NR5A1: variants seen among roughly 807,000 people sequenced by gnomAD.
NR5A1 encodes steroidogenic factor 1.
A neutral mutation model predicts 42.7 loss-of-function variants in NR5A1; 6 were observed. The ratio of observed to expected loss-of-function variants is 0.14; its 90% CI spans 0.08 to 0.28. NR5A1 has a LOEUF of 0.28. Ranked by LOEUF, NR5A1 falls within the 10% of genes least tolerant of loss-of-function variation. The probability of loss-of-function intolerance (pLI) is 1.00; values close to 1 mark genes in which losing one functional copy is unlikely to be tolerated. For synonymous variants in NR5A1, 274 were observed against 277.5 expected (o/e 0.99, Z 0.12); for missense variants, 442 against 626.4 (o/e 0.71, Z 3.14).
intron 4 of NR5A1, among the ~76,000 whole-genome samples, chr9:124,493,609 T>G (rs1030075707): frequency 1.3e-5 from 2 of 152,222 alleles, no homozygotes; most frequent in African/African-American, 4.8e-5. Context: ...GTCACACCTC[T>G]GGCAGCCCCA....
Position 124,482,480 on chromosome 9 carries a change from G to A in NR5A1, c.*278C>T, listed in dbSNP as rs1033615712. On this transcript the variant is annotated 3_prime_UTR_variant, in exon 7 of 7. Transcript: ENST00000373588. ...CAGGAGAGAGAGCTGGGAGCAGGGA[G>A]GGGGCGGGGCGGGTGGTTAACAGCC... The A allele has an allele frequency of 1.0e-5, 5 of 485,424 alleles. No individual in the cohort carries two copies. Among genetic ancestry groups the A allele is most frequent in the Admixed American group, 3.3e-5 (1 of 29,982 alleles). 30.1% of individuals were successfully genotyped at this position (485,424 alleles called of 1,614,324 possible).
Position 124,482,926 on chromosome 9 carries a change from C to G in NR5A1, c.1218G>C (p.Leu406=), listed in dbSNP as rs568634223. The G allele has an allele frequency of 1.7e-5, 28 of 1,614,180 alleles. No homozygotes were observed. In the South Asian group the frequency reaches 3.0e-4, roughly 17 times the overall value. The stretch of plus-strand genomic sequence containing the variant: ...TGTCCCCGCAGTGCGGGTAGTGGCA[C>G]AGGGTGTAGTCAAGCAGGGCGGCGT... ...KANAALLDYT[L]CHYPHCGDKF... The change falls in exon 7 of 7, where the codon CTG becomes CTC. Residue 406 remains leucine (L), a synonymous_variant. Coordinates refer to ENST00000373588, the MANE Select transcript of NR5A1 (RefSeq NM_004959.5).
Position 124,487,668 on chromosome 9 carries a change from A to C in NR5A1, c.1138+3413T>G, listed in dbSNP as rs564536858. Among the ~76,000 whole-genome samples the C allele has an allele frequency of 7.1e-3, 1,075 of 152,318 alleles. 15 individuals are homozygous for C. Among genetic ancestry groups the C allele is most frequent in the Non-Finnish European group, 8.8e-3 (597 of 68,018 alleles). On this transcript the variant is annotated intron_variant, in intron 6 of 6. Coordinates refer to ENST00000373588, the MANE Select transcript of NR5A1 (RefSeq NM_004959.5). Reference sequence around the variant, plus strand: ...TGGGGGAGCACAAGCACTCGTGGCCAGGCTGTCCGGCCCAGGGCGGAGCCG... The same window carrying C: ...TGGGGGAGCACAAGCACTCGTGGCCCGGCTGTCCGGCCCAGGGCGGAGCCG...
chr9:124,491,600 A>G (rs774458399), intron 5 of NR5A1, among the ~76,000 whole-genome samples: 76 of 152,096 alleles, frequency 5.0e-4, no homozygotes, highest in Middle Eastern at 3.4e-3. Context: ...CTGTGTGGGG[A>G]CACACAGACA....
At chr9:124,492,246 C>A (rs536863874) in intron 5 of NR5A1, among the ~76,000 whole-genome samples, 3 of 150,796 alleles carry the variant, frequency 2.0e-5, no homozygotes, top group Middle Eastern at 3.5e-3. Context: ...TGCCTCCCCC[C>A]CTCCCTCTCT....
intron 6 of NR5A1, among the ~76,000 whole-genome samples, chr9:124,484,320 C>T (rs900755309): frequency 6.6e-5 from 10 of 152,208 alleles, no homozygotes; most frequent in Non-Finnish European, 1.5e-4. Context: ...TGACCGCACC[C>T]CAAGGAGTCG....
At position 124,500,360 on chromosome 9, in the gene NR5A1, A is replaced by C; in HGVS notation, c.600T>G (p.Pro200=). Residue 200 remains proline, a synonymous_variant, in exon 4 of 7, where the codon CCT becomes CCG. Transcript: ENST00000373588. The surrounding 1 kb of genome is among the most constrained non-coding windows in gnomAD (Gnocchi z 6.9). ...GCCCAGGCTGTGGGGGGCTGGCATA[A>C]GGCTCCGGGTACTCAGACTTGATGG... ...GRAIKSEYPE[P]YASPPQPGLP... The C allele has an allele frequency of 6.4e-7, 1 of 1,556,260 alleles. No homozygotes were observed. The highest frequency in any genetic ancestry group is 8.7e-7 in the Non-Finnish European group (1 of 1,150,358).
intron 6 of NR5A1, among the ~76,000 whole-genome samples, chr9:124,484,314 C>T (rs1009513649): frequency 9.8e-5 from 15 of 152,330 alleles, no homozygotes; most frequent in Non-Finnish European, 1.8e-4. Flanking sequence ...ACGTGGTGAC[C>T]GCACCCCAAG....
At position 124,503,122 on chromosome 9, in the gene NR5A1, G is replaced by A; in HGVS notation, c.201C>T (p.Phe67=). ...IDKTQRKRCP[F]CRFQKCLTVG... is the part of the protein sequence containing the mutation. ...CCGTCAGGCATTTCTGGAAGCGGCA[G>A]AAGGGACAGCGCTTGCGCTGCGTCT... The change falls in exon 3 of 7, where the codon TTC becomes TTT. Residue 67 remains phenylalanine (F), a synonymous_variant. Coordinates refer to ENST00000373588, the MANE Select transcript of NR5A1 (RefSeq NM_004959.5). The surrounding 1 kb of genome is among the most constrained non-coding windows in gnomAD (Gnocchi z 9.6). 2 of 1,595,512 alleles carry A rather than the reference G, an allele frequency of 1.3e-6. No individual in the cohort carries two copies. The highest frequency in any genetic ancestry group is 1.7e-6 in the Non-Finnish European group (2 of 1,172,488).
chr9:124,482,852 A>G lies in NR5A1; in HGVS notation c.1292T>C (p.Met431Thr), dbSNP rs1285590867. Reference protein sequence around the residue: ...LCLVEVRALSMQAKEYLYHKH... With the variant: ...LCLVEVRALSTQAKEYLYHKH... ...GTGGTACAGGTACTCCTTGGCCTGC[A>G]TGCTCAGGGCCCGCACCTCCACCAG... is the stretch of plus-strand genomic sequence containing the variant. Residue 431 changes from methionine (M) to threonine (T), a missense_variant, in exon 7 of 7, where the codon ATG (methionine) becomes ACG (threonine). Met to Thr is a moderately conservative substitution (Grantham distance 81). This residue lies in a region of NR5A1 where 163 missense variants were observed against 265.8 expected (regional missense o/e 0.61). Transcript: ENST00000373588. 7 of 1,613,550 alleles carry G rather than the reference A, an allele frequency of 4.3e-6. No individual in the cohort carries two copies. Among genetic ancestry groups the G allele is most frequent in the South Asian group, 1.1e-5 (1 of 91,048 alleles).
At chr9:124,487,562 C>T (rs1588615919) in intron 6 of NR5A1, among the ~76,000 whole-genome samples, 1 of 152,278 alleles carries the variant, frequency 6.6e-6, no homozygotes, top group African/African-American at 2.4e-5. Context: ...CCCGAGACGG[C>T]TATTTAGACA....
At position 124,482,907 on chromosome 9, in the gene NR5A1, C is replaced by T. The variant is rs771205237; in HGVS notation, c.1237G>A (p.Gly413Arg). 2.5e-6 allele frequency: 4 copies of T among 1,614,076 alleles called. No homozygotes were observed. Among genetic ancestry groups the T allele is most frequent in the Admixed American group, 1.7e-5 (1 of 60,004 alleles). ...DYTLCHYPHC[G>R]DKFQQLLLCL... ...AGCAGCAGCTGCTGGAATTTGTCCCCGCAGTGCGGGTAGTGGCACAGGGTG... is the reference window on the plus strand; with the variant it reads ...AGCAGCAGCTGCTGGAATTTGTCCCTGCAGTGCGGGTAGTGGCACAGGGTG... The change falls in exon 7 of 7, where the codon GGG (glycine) becomes AGG (arginine). Residue 413 changes from glycine (G) to arginine (R), a missense_variant. Coordinates refer to ENST00000373588, the MANE Select transcript of NR5A1 (RefSeq NM_004959.5).
Position 124,487,576 on chromosome 9 carries a change from A to G in NR5A1, c.1138+3505T>C, listed in dbSNP as rs1055572334. Reference sequence around the variant, plus strand: ...TCCCGAGACGGCTATTTAGACACCAAATGGCACCCTTATGCGGAGGCAGGC... The same window carrying G: ...TCCCGAGACGGCTATTTAGACACCAGATGGCACCCTTATGCGGAGGCAGGC... On this transcript the variant is annotated intron_variant, in intron 6 of 6. Transcript: ENST00000373588. Among the ~76,000 whole-genome samples, 4 of 152,224 alleles carry G rather than the reference A, an allele frequency of 2.6e-5. 1 individual carries two copies. The highest frequency in any genetic ancestry group is 2.6e-4 in the Admixed American group (4 of 15,290).
At chr9:124,504,859 C>T (rs1832528236) in intron 1 of NR5A1, among the ~76,000 whole-genome samples, 2 of 145,522 alleles carry the variant, frequency 1.4e-5, no homozygotes, top group East Asian at 4.0e-4. Flanking sequence ...GCGGGGGCCT[C>T]GGCTCCCCCC....
chr9:124,488,749 G>A (rs1832259968), intron 6 of NR5A1, among the ~76,000 whole-genome samples: 1 of 152,220 alleles, frequency 6.6e-6, no homozygotes, highest in African/African-American at 2.4e-5. Flanking sequence ...GGAGTGACTT[G>A]CCCAAGGGCA....
At chr9:124,485,118 G>A (rs973936336) in intron 6 of NR5A1, among the ~76,000 whole-genome samples, 1 of 152,146 alleles carries the variant, frequency 6.6e-6, no homozygotes, top group African/African-American at 2.4e-5. Context: ...CCAAGTTCCT[G>A]TCACAGCTTG....
At chr9:124,484,037 T>G (rs973604440) in intron 6 of NR5A1, among the ~76,000 whole-genome samples, 1 of 152,108 alleles carries the variant, frequency 6.6e-6, no homozygotes, top group Admixed American at 6.5e-5. Flanking sequence ...CTACCTTAAA[T>G]GTGCTCAGAC....
intron 4 of NR5A1, among the ~76,000 whole-genome samples, chr9:124,499,821 C>T (rs1243690802): frequency 1.3e-5 from 2 of 152,084 alleles, no homozygotes; most frequent in East Asian, 3.9e-4. Context: ...GGGAGAGACA[C>T]AGTAGGAAGA....
At chr9:124,495,970 T>C (rs936354976) in intron 4 of NR5A1, among the ~76,000 whole-genome samples, 2 of 152,206 alleles carry the variant, frequency 1.3e-5, no homozygotes, top group Non-Finnish European at 2.9e-5. Context: ...GCAGGAAATG[T>C]AATTTCTCTC....
Sources: gnomAD v4.1 joint callset for allele counts (sites outside exome capture counted in the v4.1 genomes callset) on GRCh38, gnomAD v4.1.1 for gene constraint, gnomAD v4.1.1 regional missense constraint, Gnocchi (gnomAD v3.1) non-coding constraint, MANE v1.5 for transcripts, NCBI Gene and HGNC (gene_info 2026-07-23, HGNC 2026-07-21) for gene names.